GRM5: variants seen among roughly 807,000 people sequenced by gnomAD.
The protein encoded by GRM5 is metabotropic glutamate receptor 5.
In GRM5, 19 loss-of-function variants were observed where a neutral mutation model predicts 83.1. The observed-to-expected ratio is 0.23, with a 90% CI of 0.16 to 0.34. The LOEUF is 0.34. Ranked by LOEUF, GRM5 falls within the 10% of genes least tolerant of loss-of-function variation. The pLI is 1.00. For synonymous variants in GRM5, 675 were observed against 633.6 expected, an observed-to-expected ratio of 1.07 and a Z score of -0.98; for missense variants, 1,160 against 1,588.3, an observed-to-expected ratio of 0.73 and a Z score of 4.58.
chr11:88,820,031 T>C (rs2135508051), intron 3 of GRM5, among the ~76,000 whole-genome samples: 1 of 152,210 alleles, frequency 6.6e-6, no homozygotes, highest in Admixed American at 6.5e-5. Context: ...AACACTGTTG[T>C]ACTGGGGATT....
rs538529284 is a variant in GRM5 at position 88,986,539 on chromosome 11, A to G, written c.661+60673T>C. Among the ~76,000 whole-genome samples, 400 of 152,148 alleles carry G rather than the reference A, an allele frequency of 2.6e-3. 2 individuals carry two copies. Among genetic ancestry groups the G allele is most frequent in the South Asian group, 0.013 (65 of 4,824 alleles). On this transcript the variant is annotated intron_variant, in intron 2 of 9. Transcript: ENST00000305447. ...TTATTCAACTCTTTTGCTCATTTTT[A>G]TTTGGGTTACTTGTTTTTTGCTACT...
intron 7 of GRM5, among the ~76,000 whole-genome samples, chr11:88,588,567 C>T (rs1158909268): frequency 6.6e-6 from 1 of 152,150 alleles, no homozygotes; most frequent in Non-Finnish European, 1.5e-5. Context: ...CATATACAGA[C>T]ATTCACATGT....
chr11:88,802,629 C>T (rs1943419393), intron 3 of GRM5, among the ~76,000 whole-genome samples: 1 of 152,190 alleles, frequency 6.6e-6, no homozygotes, highest in South Asian at 2.1e-4. Context: ...TGGCACAAGA[C>T]AAGGATGCCC....
chr11:88,643,863 T>C (rs182436072), intron 4 of GRM5, among the ~76,000 whole-genome samples: 48 of 152,294 alleles, frequency 3.2e-4, no homozygotes, highest in African/African-American at 1.1e-3. Context: ...GCATAAAAGA[T>C]GGCAGAAGAC....
At chr11:89,029,874 T>C (rs1408936304) in intron 2 of GRM5, among the ~76,000 whole-genome samples, 1 of 152,154 alleles carries the variant, frequency 6.6e-6, no homozygotes, top group African/African-American at 2.4e-5. Context: ...ATGCTGGGTT[T>C]CCAGGGAAAC....
chr11:88,727,295 AT>A (rs1941706726), intron 3 of GRM5, among the ~76,000 whole-genome samples: 1 of 152,228 alleles, frequency 6.6e-6, no homozygotes, highest in South Asian at 2.1e-4. Context: ...AAAGAAGGGC[AT>A]TATATAATGG....
chr11:88,628,766 C>T (rs755985602), intron 4 of GRM5, among the ~76,000 whole-genome samples: 2 of 152,128 alleles, frequency 1.3e-5, no homozygotes, highest in Non-Finnish European at 2.9e-5. Context: ...TAGCTTAATA[C>T]AATAAAAGTT....
intron 3 of GRM5, among the ~76,000 whole-genome samples, chr11:88,809,769 C>A (rs1376490917): frequency 7.5e-5 from 11 of 146,930 alleles, no homozygotes; most frequent in African/African-American, 7.4e-5. Flanking sequence ...GTTAATATGT[C>A]AAAAAAAAAA....
At chr11:88,566,518 C>A (rs957810297) in intron 8 of GRM5, among the ~76,000 whole-genome samples, 1 of 152,160 alleles carries the variant, frequency 6.6e-6, no homozygotes, top group African/African-American at 2.4e-5. Flanking sequence ...AAGATTTCAT[C>A]TTGCCCATTA....
chr11:88,989,846 G>A (rs572645880), intron 2 of GRM5, among the ~76,000 whole-genome samples: 27 of 151,440 alleles, frequency 1.8e-4, no homozygotes, highest in Non-Finnish European at 3.5e-4. Context: ...AGAATCTCTG[G>A]GACGCATTCA....
chr11:88,844,033 T>C (rs1944254550), intron 3 of GRM5, among the ~76,000 whole-genome samples: 1 of 151,990 alleles, frequency 6.6e-6, no homozygotes, highest in African/African-American at 2.4e-5. Context: ...GATAGAGAAG[T>C]TTCAACAACA....
At chr11:88,570,571 A>ATTTT (rs1194098388) in intron 7 of GRM5, among the ~76,000 whole-genome samples, 41 of 46,380 alleles carry the variant, frequency 8.8e-4, no homozygotes, top group East Asian at 1.1e-3. Flanking sequence ...ATATATATAT[A>ATTTT]TTTTTTTTTT....
intron 2 of GRM5, among the ~76,000 whole-genome samples, chr11:88,878,008 TAAA>T (rs1460589663): frequency 3.3e-5 from 5 of 151,018 alleles, no homozygotes; most frequent in African/African-American, 1.2e-4. Context: ...AGTATAATAA[TAAA>T]AAAAGAAGGA....
chr11:89,061,466 T>A (rs187399060), intron 1 of GRM5, among the ~76,000 whole-genome samples: 1 of 152,214 alleles, frequency 6.6e-6, no homozygotes, highest in Non-Finnish European at 1.5e-5. Context: ...ATAAGAAAAG[T>A]AGAATTATTA....
chr11:88,987,210 T>A (rs1939752379), intron 2 of GRM5, among the ~76,000 whole-genome samples: 1 of 151,798 alleles, frequency 6.6e-6, no homozygotes, highest in African/African-American at 2.4e-5. Flanking sequence ...GTGCAAGGGG[T>A]CAGGGATTTC....
chr11:88,711,153 C>T (rs542831134), intron 3 of GRM5, among the ~76,000 whole-genome samples: 1 of 151,944 alleles, frequency 6.6e-6, no homozygotes, highest in East Asian at 1.9e-4. Context: ...TTGAAGAGAC[C>T]CAGGGATACG....
chr11:88,525,514 G>C, intron 8 of GRM5, 110 bp from the exon 9 acceptor site: 1 of 685,970 alleles, frequency 1.5e-6, no homozygotes. Context: ...GTGCCAAAAT[G>C]GGGGTTCCTG....
chr11:88,808,743 T>A (rs1379954413), intron 3 of GRM5, among the ~76,000 whole-genome samples: 1 of 152,006 alleles, frequency 6.6e-6, no homozygotes, highest in East Asian at 1.9e-4. Flanking sequence ...TTCAATCTCT[T>A]AGTCTTCCTA....
chr11:89,035,303 T>A (rs1456771272), intron 2 of GRM5, among the ~76,000 whole-genome samples: 2 of 151,814 alleles, frequency 1.3e-5, no homozygotes. Context: ...CTTCAGTATG[T>A]CTTACTTAAC....
Sources: allele counts gnomAD v4.1 joint callset (sites outside exome capture counted in the v4.1 genomes callset), GRCh38; gene constraint gnomAD v4.1.1; transcripts MANE v1.5; gene names NCBI Gene and HGNC (gene_info 2026-07-23, HGNC 2026-07-21).